ZC3H4: variants seen among roughly 807,000 people sequenced by gnomAD.
The protein encoded by ZC3H4 is zinc finger CCCH domain-containing protein 4.
In ZC3H4, 13 loss-of-function variants were observed where a neutral mutation model predicts 108.3. The observed-to-expected ratio is 0.12, with a 90% CI of 0.08 to 0.19. The LOEUF (loss-of-function observed/expected upper bound fraction) is 0.19, where lower values mean the gene tolerates loss of function less well. ZC3H4 is among the 10% of genes least tolerant of loss of function. The pLI is 1.00. For missense variants in ZC3H4, 1,734 were observed against 1,838.8 expected, an observed-to-expected ratio of 0.94 and a Z score of 1.04; for synonymous variants, 917 against 749.6, an observed-to-expected ratio of 1.22 and a Z score of -3.65.
intron 5 of ZC3H4, 23 bp downstream of exon 5, chr19:47,089,944 G>A (rs777548254): frequency 2.9e-5 from 46 of 1,613,402 alleles, no homozygotes; most frequent in Non-Finnish European, 3.7e-5. Context: ...CCCCAGAGGA[G>A]AAACTGTAAG....
intron 2 of ZC3H4, among the ~76,000 whole-genome samples, chr19:47,101,549 AT>A (rs2057903965): frequency 6.6e-6 from 1 of 151,970 alleles, no homozygotes; most frequent in East Asian, 2.0e-4. Context: ...ACTAAAAAAA[AT>A]TTTTTTTCCA....
In ZC3H4 at chr19:47,069,009, C is replaced by T. The variant is rs1014734184; in HGVS notation, c.2398+83G>A. 4.4e-6 allele frequency: 7 copies of T among 1,585,114 alleles called. No homozygotes were observed. The African/African-American group carries it at 9.4e-5, about 21-fold the overall frequency. ...CCATGGGCTCCTTCCTGACAGGAAACCCAACCTGGAACACCCCACCACCGC... is the reference window on the plus strand; with the variant it reads ...CCATGGGCTCCTTCCTGACAGGAAATCCAACCTGGAACACCCCACCACCGC... On this transcript the variant is annotated intron_variant, in intron 14 of 14. Transcript: ENST00000253048.
Position 47,081,749 on chromosome 19 carries a change from A to T in ZC3H4, c.1331-127T>A. 3 of 820,914 alleles carry T rather than the reference A, an allele frequency of 3.7e-6. No homozygotes were observed. In the South Asian group the frequency reaches 4.6e-5, roughly 13 times the overall value. The allele number at this position is 820,914 out of a possible 1,614,324, so 50.9% of individuals were successfully genotyped here. A position where few individuals can be genotyped will look rare whatever the true frequency, so the allele number is the denominator to read the frequency against. On this transcript the variant is annotated intron_variant, in intron 10 of 14. Transcript: ENST00000253048. Reference sequence around the variant, plus strand: ...AATCTGAGCCCAGAGAGGTGAGGCGATGTGCTAAGGGCTGCTCAGTGGGTT... The same window carrying T: ...AATCTGAGCCCAGAGAGGTGAGGCGTTGTGCTAAGGGCTGCTCAGTGGGTT...
intron 2 of ZC3H4, among the ~76,000 whole-genome samples, chr19:47,100,780 C>A (rs1212180284): frequency 1.3e-5 from 2 of 152,086 alleles, no homozygotes; most frequent in Non-Finnish European, 1.5e-5. Context: ...CTCACTGCAA[C>A]CTTCGCCTCC....
Position 47,112,548 on chromosome 19 carries a change from A to G in ZC3H4, c.37T>C (p.Ser13Pro). The change falls in exon 2 of 15, where the codon TCA becomes CCA. Residue 13 changes from serine (S) to proline (P), a missense_variant. Ser to Pro is a moderately conservative substitution (Grantham distance 74). Coordinates refer to ENST00000253048, the MANE Select transcript of ZC3H4 (RefSeq NM_015168.2). ...GGCGATGGCGGCGGCGGCGACTCTG[A>G]TGGCGGCGGCGGGGGGGTCCCGGGC... ...AAPGTPPPPP[S>P]ESPPPPSPPP... The G allele has an allele frequency of 9.8e-7, 1 of 1,021,088 alleles. No individual in the cohort carries two copies. Among genetic ancestry groups the G allele is most frequent in the Non-Finnish European group, 1.3e-6 (1 of 793,486 alleles). 63.3% of individuals were successfully genotyped at this position (1,021,088 alleles called of 1,614,324 possible). A position where few individuals can be genotyped will look rare whatever the true frequency, so the allele number is the denominator to read the frequency against.
intron 2 of ZC3H4, among the ~76,000 whole-genome samples, chr19:47,098,523 G>T (rs1053318363): frequency 2.0e-5 from 3 of 151,716 alleles, no homozygotes; most frequent in Admixed American, 2.0e-4. Flanking sequence ...CAGCACTTTG[G>T]GAGGCCAAGG....
intron 2 of ZC3H4, chr19:47,096,696 A>G (rs1020076572): frequency 1.5e-6 from 1 of 661,738 alleles, no homozygotes; most frequent in African/African-American, 2.0e-5. Flanking sequence ...TAAGAACAAC[A>G]TTACTCTCGA....
rs778236727 is a variant in ZC3H4 at position 47,071,919 on chromosome 19, G to A, written c.2005C>T (p.Pro669Ser). The change falls in exon 13 of 15, where the codon CCT becomes TCT. Residue 669 changes from proline (P) to serine (S), a missense_variant. By Grantham distance (74) the Pro-to-Ser change is moderately conservative. This residue lies in a region of ZC3H4 where 540 missense variants were observed against 484.1 expected (regional missense o/e 1.12). Transcript: ENST00000253048. Reference sequence around the variant, plus strand: ...CCAGGGCCGTAGGGCATCATTGGAGGGCCGCCAGGGCCCATGGGTGGGCCA... The same window carrying A: ...CCAGGGCCGTAGGGCATCATTGGAGAGCCGCCAGGGCCCATGGGTGGGCCA... Reference protein sequence around the residue: ...NPGPPMGPGGPPMMPYGPGDS... With the variant: ...NPGPPMGPGGSPMMPYGPGDS... The A allele has an allele frequency of 2.5e-6, 4 of 1,612,292 alleles. No homozygotes were observed. The highest frequency in any genetic ancestry group is 2.7e-5 in the African/African-American group (2 of 74,986).
intron 11 of ZC3H4, among the ~76,000 whole-genome samples, chr19:47,074,377 C>G (rs1468717491): frequency 6.6e-6 from 1 of 152,232 alleles, no homozygotes; most frequent in East Asian, 1.9e-4. Flanking sequence ...GCTATATCCC[C>G]AGGGCCCCCA....
At chr19:47,070,108 T>C (rs1416446973) in intron 13 of ZC3H4, among the ~76,000 whole-genome samples, 1 of 150,248 alleles carries the variant, frequency 6.7e-6, no homozygotes, top group Non-Finnish European at 1.5e-5. Flanking sequence ...CATGTGAGCA[T>C]GGGAGACATC....
chr19:47,112,516 C>T lies in ZC3H4; in HGVS notation c.69G>A (p.Pro23=). ...ACGGAGGAGGCGAAGGCGTTGATGG[C>T]GGCGGCGGCGATGGCGGCGGCGGCG... The part of the protein sequence containing the change: ...SESPPPPSPP[P]PSTPSPPPCS... Residue 23 remains proline, a synonymous_variant, in exon 2 of 15, where the codon CCG becomes CCA. Transcript: ENST00000253048. 9.4e-7 allele frequency: 1 copy of T among 1,065,632 alleles called. No individual in the cohort carries two copies. The highest frequency in any genetic ancestry group is 1.2e-6 in the Non-Finnish European group (1 of 828,946). 66.0% of individuals were successfully genotyped at this position (1,065,632 alleles called of 1,614,324 possible).
Position 47,066,642 on chromosome 19 carries a change from C to T in ZC3H4, c.3626G>A (p.Gly1209Asp). Residue 1209 changes from glycine (G) to aspartate (D), a missense_variant, in exon 15 of 15, where the codon GGC (glycine) becomes GAC (aspartate). Coordinates refer to ENST00000253048, the MANE Select transcript of ZC3H4 (RefSeq NM_015168.2). Reference protein sequence around the residue: ...PETGKAGADGGTPTDRYNSYN... With the variant: ...PETGKAGADGDTPTDRYNSYN... Reference sequence around the variant, plus strand: ...GCTGTTGTATCTGTCCGTGGGGGTGCCCCCATCAGCACCGGCCTTCCCTGT... The same window carrying T: ...GCTGTTGTATCTGTCCGTGGGGGTGTCCCCATCAGCACCGGCCTTCCCTGT... 1 of 1,611,608 alleles carries T rather than the reference C, an allele frequency of 6.2e-7. No individual in the cohort carries two copies. Among genetic ancestry groups the T allele is most frequent in the Non-Finnish European group, 8.5e-7 (1 of 1,179,526 alleles).
chr19:47,109,961 G>A (rs1158011841), intron 2 of ZC3H4, among the ~76,000 whole-genome samples: 1 of 152,124 alleles, frequency 6.6e-6, no homozygotes, highest in East Asian at 1.9e-4. Flanking sequence ...GGGGGGACTG[G>A]GGGCTGGAGG....
In ZC3H4 at chr19:47,069,138, C is replaced by T. The variant is rs202116030; in HGVS notation, c.2352G>A (p.Ala784=). 3.7e-4 allele frequency: 588 copies of T among 1,606,206 alleles called. 1 individual carries two copies. Among genetic ancestry groups the T allele is most frequent in the African/African-American group, 5.5e-4 (41 of 75,030 alleles). The change falls in exon 14 of 15, where the codon GCG becomes GCA. Residue 784 remains alanine (A), a synonymous_variant. Transcript: ENST00000253048. ...GCTTGCTGCTCTCAGCCAGCCTCCT[C>T]GCTCTCTCCTCCTCCTCCTGCTGCT... The part of the protein sequence containing the change: ...QQKQQEEEER[A]RRLAESSKQD...
chr19:47,087,580 A>G (rs2057653972), intron 5 of ZC3H4, among the ~76,000 whole-genome samples: 1 of 151,996 alleles, frequency 6.6e-6, no homozygotes, highest in Admixed American at 6.6e-5. Flanking sequence ...CATCTCTACT[A>G]AAAATACAAA....
intron 2 of ZC3H4, among the ~76,000 whole-genome samples, chr19:47,102,943 G>A (rs1015072710): frequency 3.3e-5 from 5 of 152,176 alleles, no homozygotes; most frequent in Non-Finnish European, 5.9e-5. Context: ...GAACATTTCT[G>A]TAAAGCTTCA....
rs775020024 is a variant in ZC3H4 at position 47,072,565 on chromosome 19, G to A, written c.1589C>T (p.Thr530Ile). ...PPRPPGPQAP[T>I]SPNGRPMQGG... ...CTGCATGGGCCTGCCGTTGGGAGAGGTTGGAGCCTGCGGGCCAGGGGGCCG... is the reference window on the plus strand; with the variant it reads ...CTGCATGGGCCTGCCGTTGGGAGAGATTGGAGCCTGCGGGCCAGGGGGCCG... The change falls in exon 12 of 15, where the codon ACC becomes ATC. Residue 530 changes from threonine to isoleucine, a missense_variant. Coordinates refer to ENST00000253048, the MANE Select transcript of ZC3H4 (RefSeq NM_015168.2). The surrounding 1 kb of genome is among the most constrained non-coding windows in gnomAD (Gnocchi z 5.6). 2.6e-6 allele frequency: 4 copies of A among 1,560,568 alleles called. No individual in the cohort carries two copies. In the African/African-American group the frequency reaches 5.4e-5, roughly 21 times the overall value.
intron 5 of ZC3H4, among the ~76,000 whole-genome samples, chr19:47,087,916 G>T (rs2057660848): frequency 6.6e-6 from 1 of 152,146 alleles, no homozygotes; most frequent in South Asian, 2.1e-4. Context: ...GCTCACGCCT[G>T]TAATCCCAAC....
At chr19:47,100,855 G>A (rs938417808) in intron 2 of ZC3H4, among the ~76,000 whole-genome samples, 31 of 151,906 alleles carry the variant, frequency 2.0e-4, no homozygotes, top group South Asian at 4.2e-4. Flanking sequence ...CTGCCACCGC[G>A]TCCAGATAAT....
Sources: gnomAD v4.1 joint callset for allele counts (sites outside exome capture counted in the v4.1 genomes callset) on GRCh38, gnomAD v4.1.1 for gene constraint, gnomAD v4.1.1 regional missense constraint, Gnocchi (gnomAD v3.1) non-coding constraint, MANE v1.5 for transcripts, NCBI Gene and HGNC (gene_info 2026-07-23, HGNC 2026-07-21) for gene names.